Variants in LIFR observed in about 807,000 individuals in gnomAD.
LIFR encodes LIF receptor subunit alpha.
LIFR carries 84 observed loss-of-function variants against 122.2 expected under a neutral mutation model. The observed-to-expected ratio is 0.69, with a 90% CI of 0.58 to 0.82. LIFR has a LOEUF of 0.82. Ranked by LOEUF, LIFR falls within the 40% of genes least tolerant of loss-of-function variation. The pLI, the probability that LIFR is intolerant of heterozygous loss-of-function variation, is 0.00. For synonymous variants in LIFR, 422 were observed against 434.7 expected (o/e 0.97, Z 0.36); for missense variants, 1,294 against 1,311.6 (o/e 0.99, Z 0.21).
At chr5:38,604,203 A>G (rs1422259667) in intron 2 of LIFR, among the ~76,000 whole-genome samples, 1 of 152,222 alleles carries the variant, frequency 6.6e-6, no homozygotes, top group East Asian at 1.9e-4. Flanking sequence ...TGAGCTGGGC[A>G]GAACTTTTCT....
In LIFR at chr5:38,498,004, A is replaced by G. The variant is rs149101642; in HGVS notation, c.1672-1409T>C. ...CTAAAAGTGAACTTACTGTATAAAA[A>G]CAAATGAACATTCAAACCTCTTCAT... On this transcript the variant is annotated intron_variant, in intron 12 of 19. Coordinates refer to ENST00000453190, the MANE Select transcript of LIFR (RefSeq NM_001127671.2). Among the ~76,000 whole-genome samples, 102 of 152,344 alleles carry G rather than the reference A, an allele frequency of 6.7e-4. 1 individual carries two copies. Among genetic ancestry groups the G allele is most frequent in the African/African-American group, 2.3e-3 (97 of 41,590 alleles).
chr5:38,511,744 C>G (rs1229999272), intron 6 of LIFR, 46 bp downstream of exon 6: 1 of 1,563,082 alleles, frequency 6.4e-7, no homozygotes. Context: ...TTAAGTGAGA[C>G]TAATTTAATT....
chr5:38,548,147 T>C (rs1748000392), intron 1 of LIFR, among the ~76,000 whole-genome samples: 1 of 151,882 alleles, frequency 6.6e-6, no homozygotes, highest in Non-Finnish European at 1.5e-5. Flanking sequence ...TTTCAATAAT[T>C]TTACAAAAGA....
At chr5:38,590,619 C>A (rs764695607) in intron 1 of LIFR, among the ~76,000 whole-genome samples, 1 of 152,134 alleles carries the variant, frequency 6.6e-6, no homozygotes, top group Non-Finnish European at 1.5e-5. Context: ...GCATGTCCAC[C>A]GCCACCATCA....
At chr5:38,486,020 C>G in intron 16 of LIFR, 40 bp from the exon 17 acceptor site, 3 of 1,578,852 alleles carry the variant, frequency 1.9e-6, no homozygotes, top group Non-Finnish European at 2.6e-6. Flanking sequence ...AATCTCTAAC[C>G]CGTTTCAAAT....
intron 1 of LIFR, among the ~76,000 whole-genome samples, chr5:38,531,567 T>C (rs1340388679): frequency 6.8e-6 from 1 of 146,826 alleles, no homozygotes; most frequent in Non-Finnish European, 1.5e-5. Flanking sequence ...GAGGATGCAA[T>C]GAAAAAGGAA....
At chr5:38,597,159 C>A (rs1002827829), upstream of LIFR, among the ~76,000 whole-genome samples, 1 of 152,212 alleles carries the variant, frequency 6.6e-6, no homozygotes, top group Non-Finnish European at 1.5e-5. Context: ...TCAATGAAAG[C>A]TTATACTCAG....
chr5:38,497,941 C>CT (rs566460998), intron 12 of LIFR, among the ~76,000 whole-genome samples: 73 of 152,210 alleles, frequency 4.8e-4, no homozygotes, highest in African/African-American at 1.7e-3. Flanking sequence ...TTTTGTGCCA[C>CT]TTTTTTTCTT....
At chr5:38,577,287 G>T (rs1749419120) in intron 1 of LIFR, among the ~76,000 whole-genome samples, 1 of 152,176 alleles carries the variant, frequency 6.6e-6, no homozygotes, top group Non-Finnish European at 1.5e-5. Context: ...TGAGTATCTA[G>T]ATCTAATTGT....
At chr5:38,601,061 A>G (rs894323468) in intron 2 of LIFR, among the ~76,000 whole-genome samples, 4 of 152,184 alleles carry the variant, frequency 2.6e-5, no homozygotes, top group Non-Finnish European at 4.4e-5. Flanking sequence ...ACATATGTCT[A>G]TCTCATGATT....
At chr5:38,595,875 A>C (rs1287323619), upstream of LIFR, among the ~76,000 whole-genome samples, 1 of 5,074 alleles carries the variant, frequency 2.0e-4, no homozygotes, top group Non-Finnish European at 3.5e-4. Flanking sequence ...TGGGACTACA[A>C]GGCGCCCGCC....
rs1015142884 is a variant in LIFR, at chr5:38,479,029, G to A, written c.*2566C>T. The A allele has an allele frequency of 3.9e-5, 9 of 231,414 alleles. No individual in the cohort carries two copies. The highest frequency in any genetic ancestry group is 1.2e-4 in the East Asian group (2 of 16,440). The allele number at this position is 231,414 out of a possible 1,614,324, so 14.3% of individuals were successfully genotyped here. ...CATGCAACCTTCATTGACAAACAGCGCACATTTACCAGTATCTCAGACAAC... is the reference window on the plus strand; with the variant it reads ...CATGCAACCTTCATTGACAAACAGCACACATTTACCAGTATCTCAGACAAC... On this transcript the variant is annotated 3_prime_UTR_variant, in exon 20 of 20. Coordinates refer to ENST00000453190, the MANE Select transcript of LIFR (RefSeq NM_001127671.2).
chr5:38,558,692 T>C (rs1189680934), upstream of LIFR: 1 of 152,106 alleles, frequency 6.6e-6, no homozygotes, highest in Non-Finnish European at 1.5e-5. Flanking sequence ...TTAACAATCG[T>C]GGTGGAAGGA....
chr5:38,519,301 C>T (rs1746275481), intron 5 of LIFR, among the ~76,000 whole-genome samples: 1 of 152,148 alleles, frequency 6.6e-6, no homozygotes, highest in Admixed American at 6.5e-5. Flanking sequence ...ACGGTAAGTG[C>T]CTTATACAGG....
intron 1 of LIFR, among the ~76,000 whole-genome samples, chr5:38,568,056 C>T (rs1749085571): frequency 6.6e-6 from 1 of 152,150 alleles, no homozygotes; most frequent in South Asian, 2.1e-4. Flanking sequence ...TCCTATGACT[C>T]TCATTTTCAT....
At chr5:38,529,492 C>T (rs2112567266) in intron 2 of LIFR, among the ~76,000 whole-genome samples, 1 of 152,002 alleles carries the variant, frequency 6.6e-6, no homozygotes, top group South Asian at 2.1e-4. Context: ...TTGGTGTGGG[C>T]CTAAACAATT....
chr5:38,500,328 A>C (rs1745112018), intron 11 of LIFR, among the ~76,000 whole-genome samples: 1 of 152,244 alleles, frequency 6.6e-6, no homozygotes, highest in East Asian at 1.9e-4. Flanking sequence ...AGTATCCCTC[A>C]TCCGAAATGC....
chr5:38,561,974 C>T (rs1580195466), intron 1 of LIFR, among the ~76,000 whole-genome samples: 1 of 152,276 alleles, frequency 6.6e-6, no homozygotes, highest in East Asian at 1.9e-4. Context: ...ACCTCTTATA[C>T]TCTTGGGAGG....
upstream of LIFR, among the ~76,000 whole-genome samples, chr5:38,560,565 A>T (rs1206233640): frequency 6.6e-6 from 1 of 150,704 alleles, no homozygotes; most frequent in East Asian, 1.9e-4. Context: ...CCCCAACAGG[A>T]TTGCATTTTG....
Sources: allele counts gnomAD v4.1 joint callset (sites outside exome capture counted in the v4.1 genomes callset), GRCh38; gene constraint gnomAD v4.1.1; transcripts MANE v1.5; gene names NCBI Gene and HGNC (gene_info 2026-07-23, HGNC 2026-07-21).